Variants in CHST8 observed in about 807,000 individuals in gnomAD.
The protein encoded by CHST8 is carbohydrate sulfotransferase 8.
In CHST8, 10 loss-of-function variants were observed where a neutral mutation model predicts 15.0. The ratio of observed to expected loss-of-function variants is 0.67; its 90% confidence interval spans 0.41 to 1.13. The LOEUF (loss-of-function observed/expected upper bound fraction) is 1.13, where lower values mean the gene tolerates loss of function less well. Ranked by LOEUF, CHST8 falls within the 50% of genes most tolerant of loss-of-function variation. The probability of loss-of-function intolerance (pLI) is 0.00; values close to 1 mark genes in which losing one functional copy is unlikely to be tolerated. For missense variants in CHST8, 634 were observed against 608.2 expected, an observed-to-expected ratio of 1.04 and a Z score of -0.45; for synonymous variants, 259 against 256.6, an observed-to-expected ratio of 1.01 and a Z score of -0.09.
chr19:33,648,380 A>G (rs1184333945), intron 1 of CHST8, among the ~76,000 whole-genome samples: 1 of 150,054 alleles, frequency 6.7e-6, no homozygotes, highest in African/African-American at 2.4e-5. Context: ...TGCTATTCAC[A>G]GTCACTCCCC....
intron 3 of CHST8, among the ~76,000 whole-genome samples, chr19:33,751,262 C>T (rs184930346): frequency 8.3e-4 from 127 of 152,210 alleles, no homozygotes; most frequent in Non-Finnish European, 1.2e-3. Flanking sequence ...CGGCTTGGCT[C>T]GGTGTTGGGA....
intron 2 of CHST8, among the ~76,000 whole-genome samples, chr19:33,688,851 G>A (rs1290374088): frequency 1.3e-5 from 2 of 152,162 alleles, no homozygotes; most frequent in Non-Finnish European, 2.9e-5. Flanking sequence ...CCTGGACAGT[G>A]CAGGGGGTGG....
At chr19:33,684,000 C>T (rs921275908) in intron 2 of CHST8, among the ~76,000 whole-genome samples, 1 of 152,196 alleles carries the variant, frequency 6.6e-6, no homozygotes, top group East Asian at 1.9e-4. Context: ...ATGTAAGAAG[C>T]CCTGGGCAGA....
chr19:33,719,556 C>A (rs534658449), intron 3 of CHST8, among the ~76,000 whole-genome samples: 1 of 152,020 alleles, frequency 6.6e-6, no homozygotes, highest in South Asian at 2.1e-4. Flanking sequence ...AGGTGGCAGG[C>A]GCTGAGAGAC....
chr19:33,646,093 A>C (rs1208833505), intron 1 of CHST8, among the ~76,000 whole-genome samples: 1 of 151,602 alleles, frequency 6.6e-6, no homozygotes, highest in African/African-American at 2.4e-5. Flanking sequence ...GCATCATGGC[A>C]CTCCAGCCTG....
At chr19:33,725,761 G>A (rs774844928) in intron 3 of CHST8, among the ~76,000 whole-genome samples, 44 of 152,204 alleles carry the variant, frequency 2.9e-4, no homozygotes, top group Non-Finnish European at 6.0e-4. Context: ...CTTCAGCCTC[G>A]GCCAGCCCCT....
chr19:33,643,761 A>G (rs1972314421), intron 1 of CHST8, among the ~76,000 whole-genome samples: 1 of 152,042 alleles, frequency 6.6e-6, no homozygotes, highest in Non-Finnish European at 1.5e-5. Flanking sequence ...CTCTATTATG[A>G]TTCTTGTGTG....
intron 3 of CHST8, among the ~76,000 whole-genome samples, chr19:33,698,861 T>C (rs2041730): frequency 0.21 from 31,565 of 151,864 alleles, 3,853 homozygotes; most frequent in African/African-American, 0.34. Flanking sequence ...GCACCTGCGT[T>C]TCCACTCACA....
At chr19:33,695,821 C>CTTTCTTTTTTT (rs57718433) in intron 3 of CHST8, among the ~76,000 whole-genome samples, 3 of 76,232 alleles carry the variant, frequency 3.9e-5, no homozygotes, top group African/African-American at 1.2e-4. Context: ...TTCTTTCTTT[C>CTTTCTTTTTTT]TTTTTTTTTT....
intron 2 of CHST8, among the ~76,000 whole-genome samples, chr19:33,679,838 C>G (rs1012058218): frequency 3.3e-5 from 5 of 152,214 alleles, no homozygotes; most frequent in African/African-American, 1.2e-4. Context: ...TTGCTGACCA[C>G]CTGGGGACTG....
At chr19:33,742,554 C>T (rs1162726213) in intron 3 of CHST8, among the ~76,000 whole-genome samples, 1 of 152,172 alleles carries the variant, frequency 6.6e-6, no homozygotes, top group South Asian at 2.1e-4. Context: ...TGGCTGCACC[C>T]CCATGACTGA....
intron 3 of CHST8, among the ~76,000 whole-genome samples, chr19:33,708,466 C>A (rs2145289720): frequency 6.6e-6 from 1 of 152,316 alleles, no homozygotes; most frequent in South Asian, 2.1e-4. Context: ...TCCCAGTTCC[C>A]AGCACGTGCT....
In CHST8 at chr19:33,772,756, G is replaced by T. The variant is rs1165895791; in HGVS notation, c.968G>T (p.Gly323Val). The part of the protein sequence containing the change: ...QYLLDVHRPV[G>V]MDIHWDHVSR... Reference sequence around the variant, plus strand: ...CTGCTGGACGTGCACCGGCCCGTGGGGATGGACATTCACTGGGACCATGTC... The same window carrying T: ...CTGCTGGACGTGCACCGGCCCGTGGTGATGGACATTCACTGGGACCATGTC... The change falls in exon 5 of 5, where the codon GGG becomes GTG. Residue 323 changes from glycine to valine, a missense_variant. By Grantham distance (109) the Gly-to-Val change is moderately radical. Coordinates refer to ENST00000650847, the MANE Select transcript of CHST8 (RefSeq NM_001127895.2). The T allele has an allele frequency of 7.4e-6, 12 of 1,613,444 alleles. No individual in the cohort carries two copies. The highest frequency in any genetic ancestry group is 1.0e-5 in the Non-Finnish European group (12 of 1,180,024).
rs1431208278 is a variant in CHST8 at position 33,695,781 on chromosome 19, G to A, written c.130+6390G>A. 3.6e-5 allele frequency among the ~76,000 whole-genome samples: 5 copies of A among 138,218 alleles called. No individual in the cohort carries two copies. The East Asian group carries it at 6.5e-4, about 18-fold the overall frequency. 90.7% of individuals were successfully genotyped at this position (138,218 alleles called of 152,430 possible). On this transcript the variant is annotated intron_variant, in intron 3 of 4. Coordinates refer to ENST00000650847, the MANE Select transcript of CHST8 (RefSeq NM_001127895.2). ...TTATGGCTGAGTAGTATTCCATGGT[G>A]TATATATACCACATTTTCTTTTTCT... is the stretch of plus-strand genomic sequence containing the variant.
chr19:33,749,979 C>G (rs1434828095), intron 3 of CHST8, among the ~76,000 whole-genome samples: 4 of 152,206 alleles, frequency 2.6e-5, no homozygotes, highest in African/African-American at 4.8e-5. Flanking sequence ...TCTCTGAGTC[C>G]TCCCTGAGGC....
chr19:33,667,669 C>G (rs185142430), intron 1 of CHST8, 98 bp from the exon 2 acceptor site: 1 of 152,160 alleles, frequency 6.6e-6, no homozygotes, highest in Non-Finnish European at 1.5e-5. Flanking sequence ...ACGACACTCC[C>G]CCTCATAATT....
chr19:33,650,316 T>C (rs1474099132), intron 1 of CHST8, among the ~76,000 whole-genome samples: 1 of 152,034 alleles, frequency 6.6e-6, no homozygotes, highest in African/African-American at 2.4e-5. Context: ...ACTTAGGATT[T>C]TCTTTTTAGT....
intron 1 of CHST8, among the ~76,000 whole-genome samples, chr19:33,656,056 G>A (rs530442916): frequency 2.0e-5 from 3 of 152,022 alleles, no homozygotes; most frequent in African/African-American, 7.2e-5. Flanking sequence ...CGTAAGTTTT[G>A]GTATGCATAA....
chr19:33,678,157 C>T (rs183895282), intron 2 of CHST8, among the ~76,000 whole-genome samples: 2 of 152,128 alleles, frequency 1.3e-5, no homozygotes, highest in Non-Finnish European at 2.9e-5. Context: ...AGAAGGGCAC[C>T]AAGGGGTCAC....
Sources: gnomAD v4.1 joint callset for allele counts (sites outside exome capture counted in the v4.1 genomes callset) on GRCh38, gnomAD v4.1.1 for gene constraint, MANE v1.5 for transcripts, NCBI Gene and HGNC (gene_info 2026-07-23, HGNC 2026-07-21) for gene names.